Variants in ARPC4 observed in about 807,000 individuals in gnomAD.
The protein encoded by ARPC4 is actin-related protein 2/3 complex subunit 4.
In ARPC4, 3 loss-of-function variants were observed where a neutral mutation model predicts 22.8. That is an observed-to-expected ratio of 0.13 (90% CI 0.06 to 0.34). The LOEUF (loss-of-function observed/expected upper bound fraction) is 0.34, where lower values mean the gene tolerates loss of function less well. ARPC4 is among the 10% of genes least tolerant of loss of function. ARPC4 has a pLI of 1.00. For missense variants in ARPC4, 98 were observed against 211.0 expected, an observed-to-expected ratio of 0.46 and a Z score of 3.32; for synonymous variants, 80 against 72.5, an observed-to-expected ratio of 1.10 and a Z score of -0.52.
intron 1 of ARPC4, 134 bp from the exon 2 acceptor site, chr3:9,797,525 G>A (rs1209064997): frequency 3.1e-6 from 3 of 973,248 alleles, no homozygotes; most frequent in African/African-American, 1.6e-5. Flanking sequence ...GGCCTAGTCT[G>A]TTCTGTTCAC....
chr3:9,803,580 G>A (rs943379555), intron 4 of ARPC4: 8 of 615,060 alleles, frequency 1.3e-5, no homozygotes, highest in Non-Finnish European at 2.1e-5. Context: ...CATTCTGAAT[G>A]CAGAGCTGTT....
intron 5 of ARPC4, among the ~76,000 whole-genome samples, chr3:9,805,400 C>A (rs899084635): frequency 3.3e-5 from 5 of 152,184 alleles, no homozygotes; most frequent in Non-Finnish European, 7.3e-5. Context: ...ACTCAGAGGT[C>A]TAAGAAAGTA....
At chr3:9,797,564 A>G in intron 1 of ARPC4, 95 bp from the exon 2 acceptor site, 4 of 1,372,756 alleles carry the variant, frequency 2.9e-6, no homozygotes, top group Non-Finnish European at 4.1e-6. Flanking sequence ...TTGCACCCTC[A>G]GTGCTACCTG....
intron 1 of ARPC4, among the ~76,000 whole-genome samples, chr3:9,793,748 C>T (rs748050012): frequency 6.7e-6 from 1 of 150,294 alleles, no homozygotes; most frequent in Non-Finnish European, 1.5e-5. Flanking sequence ...TACATGTGGG[C>T]CTTTTTCATA....
Position 9,800,132 on chromosome 3 carries a change from C to CT in ARPC4, c.123-52dup, listed in dbSNP as rs1253871864. 1.8e-5 allele frequency: 28 copies of CT among 1,590,560 alleles called. No individual in the cohort carries two copies. The Admixed American group carries it at 3.8e-4, about 21-fold the overall frequency. ...ATTCCAGGACCTGCGTGGGGTCACT[C>CT]TGACTATTCTATCCCTCTGTAGTAC... On this transcript the variant is annotated intron_variant, in intron 2 of 5. Coordinates refer to ENST00000397261, the MANE Select transcript of ARPC4 (RefSeq NM_005718.5).
intron 5 of ARPC4, 177 bp downstream of exon 5, chr3:9,804,190 C>T: frequency 1.7e-6 from 1 of 601,712 alleles, no homozygotes; most frequent in East Asian, 2.9e-5. Flanking sequence ...ACCCCAAGTT[C>T]ATCTCTGAGA....
At chr3:9,797,290 T>G (rs1368055714) in intron 1 of ARPC4, among the ~76,000 whole-genome samples, 1 of 152,216 alleles carries the variant, frequency 6.6e-6, no homozygotes, top group Non-Finnish European at 1.5e-5. Flanking sequence ...TCGATAATTC[T>G]TTGTAGTGCA....
intron 1 of ARPC4, among the ~76,000 whole-genome samples, chr3:9,796,407 TAAG>T (rs890738124): frequency 6.6e-6 from 1 of 152,088 alleles, no homozygotes. Flanking sequence ...AAATAAATAT[TAAG>T]AAGACATGAA....
At chr3:9,792,586 G>A (rs2078765456), upstream of ARPC4, 8 of 1,230,046 alleles carry the variant, frequency 6.5e-6, no homozygotes, top group African/African-American at 1.6e-5. Context: ...AGCCGCTAGA[G>A]GTGGGGTGCG....
At chr3:9,793,077 T>A, upstream of ARPC4, 1 of 1,545,860 alleles carries the variant, frequency 6.5e-7, no homozygotes. Context: ...ATCGCGGGGC[T>A]GGCCACTTCC....
chr3:9,801,519 C>T (rs2079010530), intron 3 of ARPC4, 142 bp from the exon 4 acceptor site: 12 of 716,760 alleles, frequency 1.7e-5, no homozygotes, highest in Non-Finnish European at 2.5e-5. Flanking sequence ...GCCAGGTCCC[C>T]CACTTCAGTG....
chr3:9,798,021 G>C (rs1406869317), intron 2 of ARPC4: 2 of 450,986 alleles, frequency 4.4e-6, no homozygotes, highest in East Asian at 7.8e-5. Flanking sequence ...TCTCAGAGCA[G>C]GGCTGTTGAT....
chr3:9,793,930 C>T (rs1271130966), intron 1 of ARPC4, among the ~76,000 whole-genome samples: 2 of 152,104 alleles, frequency 1.3e-5, no homozygotes, highest in Non-Finnish European at 2.9e-5. Flanking sequence ...TCAAGGTTTG[C>T]CTGGATATCT....
In ARPC4 at chr3:9,793,130, A is replaced by G. The variant is rs1354900945; in HGVS notation, c.3+6A>G. ...CCCAGCCAGCGCCCGCGATGGTGAG[A>G]GAGCCGGGCCCCCGGCCAGGGACCC... On this transcript the variant is annotated splice_donor_region_variant and intron_variant, in intron 1 of 5. Coordinates refer to ENST00000397261, the MANE Select transcript of ARPC4 (RefSeq NM_005718.5). 2 of 1,542,864 alleles carry G rather than the reference A, an allele frequency of 1.3e-6. No homozygotes were observed. The highest frequency in any genetic ancestry group is 1.4e-5 in the African/African-American group (1 of 72,892).
chr3:9,793,145 G>T, intron 1 of ARPC4, 21 bp downstream of exon 1: 2 of 1,540,226 alleles, frequency 1.3e-6, no homozygotes, highest in East Asian at 2.5e-5. Flanking sequence ...CGGGCCCCCG[G>T]CCAGGGACCC....
In ARPC4 at chr3:9,797,724, G is replaced by A. The variant is rs1395511891; in HGVS notation, c.69G>A (p.Glu23=). The part of the protein sequence containing the change: ...RATLQAALCL[E]NFSSQVVERH... Reference sequence around the variant, plus strand: ...CATTGCAGGCTGCCCTCTGCCTGGAGAACTTCTCCTCCCAGGTTGTGGAAC... The same window carrying A: ...CATTGCAGGCTGCCCTCTGCCTGGAAAACTTCTCCTCCCAGGTTGTGGAAC... Residue 23 remains glutamate (E), a synonymous_variant, in exon 2 of 6, where the codon GAG becomes GAA. Transcript: ENST00000397261. The A allele has an allele frequency of 2.5e-6, 4 of 1,614,168 alleles. No individual in the cohort carries two copies.
In ARPC4 at chr3:9,806,731, T is replaced by G. The variant is rs1162838713; in HGVS notation, c.*516T>G. On this transcript the variant is annotated 3_prime_UTR_variant, in exon 6 of 6. Transcript: ENST00000397261. ...TTCCCAAGCCTCCTTGGCCCCAGTA[T>G]AAGTGTTGGGAACTCTCTGCCAGCT... is the stretch of plus-strand genomic sequence containing the variant. The G allele has an allele frequency of 6.1e-6, 1 of 163,830 alleles. No homozygotes were observed. The highest frequency in any genetic ancestry group is 1.3e-5 in the Non-Finnish European group (1 of 75,270). 10.1% of individuals were successfully genotyped at this position (163,830 alleles called of 1,614,324 possible). A position where few individuals can be genotyped will look rare whatever the true frequency, so the allele number is the denominator to read the frequency against.
intron 4 of ARPC4, 36 bp from the exon 5 acceptor site, chr3:9,803,807 C>T: frequency 6.2e-7 from 1 of 1,600,450 alleles, no homozygotes; most frequent in Non-Finnish European, 8.5e-7. Flanking sequence ...CTCTCCTGTT[C>T]CTTCTCTTCC....
chr3:9,802,291 C>T (rs1476456772), intron 4 of ARPC4, among the ~76,000 whole-genome samples: 2 of 150,374 alleles, frequency 1.3e-5, no homozygotes, highest in Non-Finnish European at 3.0e-5. Flanking sequence ...ATTGCTTATT[C>T]CCGGAGCCTA....
Sources: allele counts gnomAD v4.1 joint callset (sites outside exome capture counted in the v4.1 genomes callset), GRCh38; gene constraint gnomAD v4.1.1; transcripts MANE v1.5; gene names NCBI Gene and HGNC (gene_info 2026-07-23, HGNC 2026-07-21).